The following MAGI1 variants were observed in gnomAD, a reference collection of about 807,000 sequenced individuals.
MAGI1 encodes membrane-associated guanylate kinase, WW and PDZ domain-containing protein 1.
Under a neutral mutation model 139.9 loss-of-function variants are expected in MAGI1, and 58 were observed. The ratio of observed to expected loss-of-function variants is 0.41; its 90% CI spans 0.34 to 0.52. MAGI1 has a LOEUF of 0.52. Ranked by LOEUF, MAGI1 falls within the 20% of genes least tolerant of loss-of-function variation. The pLI is 0.12. For synonymous variants in MAGI1, 812 were observed against 737.9 expected (o/e 1.10, Z -1.63); for missense variants, 1,874 against 1,901.6 (o/e 0.99, Z 0.27).
rs1406265973 is a variant in MAGI1, at chr3:65,578,910, C to T, written c.430+43062G>A. Among the ~76,000 whole-genome samples the T allele has an allele frequency of 2.1e-5, 3 of 145,886 alleles. No individual in the cohort carries two copies. The East Asian group carries it at 6.5e-4, about 32-fold the overall frequency. ...CAATCCAGCCTGGGTGACAGAGTAA[C>T]ACTCTGTCTCCAAAGAGAGAGAGAG... is the stretch of plus-strand genomic sequence containing the variant. On this transcript the variant is annotated intron_variant, in intron 2 of 22. Coordinates refer to ENST00000402939, the MANE Select transcript of MAGI1 (RefSeq NM_001033057.2).
intron 1 of MAGI1, among the ~76,000 whole-genome samples, chr3:65,863,615 G>C (rs1028504935): frequency 6.6e-6 from 1 of 152,098 alleles, no homozygotes; most frequent in Non-Finnish European, 1.5e-5. Flanking sequence ...TGGGTCACTG[G>C]ACATAAGAAA....
intron 1 of MAGI1, among the ~76,000 whole-genome samples, chr3:65,667,108 A>C: frequency 6.6e-6 from 1 of 152,234 alleles, no homozygotes; most frequent in East Asian, 1.9e-4. Flanking sequence ...AGAGGAAAAA[A>C]GGTGTTCAAA....
intron 1 of MAGI1, among the ~76,000 whole-genome samples, chr3:65,922,541 A>G (rs1338171269): frequency 1.3e-5 from 2 of 152,220 alleles, no homozygotes; most frequent in African/African-American, 4.8e-5. Context: ...AGCTAGAAAG[A>G]GACAAGGAAG....
chr3:65,694,902 T>G (rs1293424800), intron 1 of MAGI1, among the ~76,000 whole-genome samples: 1 of 152,236 alleles, frequency 6.6e-6, no homozygotes, highest in Non-Finnish European at 1.5e-5. Flanking sequence ...TACATTTTAT[T>G]TTTCCTACTG....
intron 2 of MAGI1, among the ~76,000 whole-genome samples, chr3:65,587,479 C>CTTT (rs755825684): frequency 7.2e-4 from 79 of 109,494 alleles, no homozygotes; most frequent in African/African-American, 1.7e-3. Flanking sequence ...TTACTTTTTT[C>CTTT]TTTTTTTTTT....
intron 1 of MAGI1, among the ~76,000 whole-genome samples, chr3:65,633,071 A>G (rs1285868165): frequency 6.6e-6 from 1 of 152,212 alleles, no homozygotes; most frequent in Non-Finnish European, 1.5e-5. Context: ...CTGTGTTTTA[A>G]CAAGCCTTCC....
At chr3:65,364,518 A>G in intron 20 of MAGI1, 147 bp downstream of exon 20, 3 of 682,376 alleles carry the variant, frequency 4.4e-6, no homozygotes, top group Admixed American at 2.7e-5. Context: ...CTAGACAATC[A>G]AATGTAAGTA....
chr3:65,682,731 A>G (rs928847625), intron 1 of MAGI1, among the ~76,000 whole-genome samples: 4 of 152,184 alleles, frequency 2.6e-5, no homozygotes, highest in Non-Finnish European at 5.9e-5. Flanking sequence ...CACTCAAGGA[A>G]AATTGAATCT....
intron 1 of MAGI1, among the ~76,000 whole-genome samples, chr3:66,020,998 C>T (rs952442781): frequency 6.6e-6 from 1 of 152,168 alleles, no homozygotes; most frequent in Non-Finnish European, 1.5e-5. Flanking sequence ...CTACCCCAAG[C>T]TTTCAAAGTT....
intron 2 of MAGI1, among the ~76,000 whole-genome samples, chr3:65,585,349 G>A (rs371326207): frequency 2.0e-5 from 3 of 152,302 alleles, no homozygotes; most frequent in East Asian, 1.9e-4. Context: ...TTTAAATGTG[G>A]ATAAAGGATT....
chr3:65,999,687 T>G (rs2066637766), intron 1 of MAGI1, among the ~76,000 whole-genome samples: 1 of 152,098 alleles, frequency 6.6e-6, no homozygotes. Flanking sequence ...GATTGCTAAG[T>G]TCCCTTTTAA....
At chr3:65,935,791 C>G (rs561075879) in intron 1 of MAGI1, among the ~76,000 whole-genome samples, 1 of 152,298 alleles carries the variant, frequency 6.6e-6, no homozygotes, top group African/African-American at 2.4e-5. Context: ...TGCCCTGAAA[C>G]TGCCAAATAA....
intron 1 of MAGI1, among the ~76,000 whole-genome samples, chr3:65,740,217 T>A (rs2035141664): frequency 1.3e-5 from 2 of 152,190 alleles, no homozygotes; most frequent in South Asian, 4.1e-4. Flanking sequence ...CACTAGTGTC[T>A]TTTTGGTTTT....
At position 65,478,660 on chromosome 3, in the gene MAGI1, T is replaced by C. The variant is rs61742506; in HGVS notation, c.689A>G (p.Asn230Ser). The C allele has an allele frequency of 7.5e-3, 12,089 of 1,613,992 alleles. 742 individuals carry two copies. The African/African-American group carries it at 0.14, about 18-fold the overall frequency. The change falls in exon 4 of 23, where the codon AAT becomes AGT. Residue 230 changes from asparagine (N) to serine (S), a missense_variant. Physicochemically the swap from Asn to Ser is conservative, Grantham distance 46. Transcript: ENST00000402939. ...ATTCTCCGCGTGGACTATGCCAGCA[T>C]TTTGCATATCATTGTAGGACTTGGT... is the stretch of plus-strand genomic sequence containing the variant. ...KRTKSYNDMQNAGIVHAENEE... is the reference protein window; with the variant it reads ...KRTKSYNDMQSAGIVHAENEE...
At chr3:65,904,454 T>A (rs2061357709) in intron 1 of MAGI1, among the ~76,000 whole-genome samples, 1 of 152,074 alleles carries the variant, frequency 6.6e-6, no homozygotes, top group Non-Finnish European at 1.5e-5. Context: ...TAGAACAAAA[T>A]CCAAAACCCT....
intron 3 of MAGI1, among the ~76,000 whole-genome samples, chr3:65,488,037 A>G (rs1951736226): frequency 6.6e-6 from 1 of 152,244 alleles, no homozygotes; most frequent in Admixed American, 6.5e-5. Context: ...GCATGGAAGG[A>G]AGTTCTTACA....
chr3:65,676,739 C>A (rs1397108857), intron 1 of MAGI1, among the ~76,000 whole-genome samples: 2 of 152,202 alleles, frequency 1.3e-5, no homozygotes, highest in African/African-American at 4.8e-5. Context: ...CAACTCCAAG[C>A]CCAATCCTTT....
chr3:65,438,142 G>A (rs895825454), intron 9 of MAGI1, among the ~76,000 whole-genome samples: 9 of 152,114 alleles, frequency 5.9e-5, no homozygotes, highest in African/African-American at 1.7e-4. Flanking sequence ...TCCATCAGTG[G>A]ATAACTGGAT....
chr3:65,576,485 G>C (rs370674141), intron 2 of MAGI1, among the ~76,000 whole-genome samples: 4 of 152,242 alleles, frequency 2.6e-5, no homozygotes, highest in East Asian at 1.9e-4. Flanking sequence ...TGGTGAACCC[G>C]CTCTGCCATC....
Sources: gnomAD v4.1 joint callset for allele counts (sites outside exome capture counted in the v4.1 genomes callset) on GRCh38, gnomAD v4.1.1 for gene constraint, MANE v1.5 for transcripts, NCBI Gene and HGNC (gene_info 2026-07-23, HGNC 2026-07-21) for gene names.